SP3: variants seen among roughly 807,000 people sequenced by gnomAD.
SP3 encodes Sp3 transcription factor.
SP3 carries 10 observed loss-of-function variants against 70.3 expected under a neutral mutation model. That is an observed-to-expected ratio of 0.14 (90% CI 0.09 to 0.24). SP3 has a LOEUF of 0.24. Ranked by LOEUF, SP3 falls within the 10% of genes least tolerant of loss-of-function variation. SP3 has a pLI of 1.00. For synonymous variants in SP3, 402 were observed against 333.5 expected, an observed-to-expected ratio of 1.21 and a Z score of -2.24; for missense variants, 825 against 914.6, an observed-to-expected ratio of 0.90 and a Z score of 1.26.
At chr2:173,961,940 T>TTGG (rs374300163) in intron 3 of SP3, among the ~76,000 whole-genome samples, 1 of 119,518 alleles carries the variant, frequency 8.4e-6, no homozygotes, top group African/African-American at 3.4e-5. Flanking sequence ...TTTGGGTTTT[T>TTGG]TTTTTTTTTT....
chr2:173,960,611 G>A (rs1691038253), intron 3 of SP3, among the ~76,000 whole-genome samples: 1 of 152,164 alleles, frequency 6.6e-6, no homozygotes, highest in Non-Finnish European at 1.5e-5. Context: ...CAACATTTAT[G>A]TGCCAAATTA....
rs1394814709 is a variant in SP3, at chr2:173,954,857, A to G, written c.1639+16T>C. 27 of 1,600,800 alleles carry G rather than the reference A, an allele frequency of 1.7e-5. No individual in the cohort carries two copies. Among genetic ancestry groups the G allele is most frequent in the Non-Finnish European group, 2.3e-5 (27 of 1,169,906 alleles). ...TCACTGAACTTATTTATGGCATGAC[A>G]TAACTTAAGACTCACCTGCAGGACT... On this transcript the variant is annotated intron_variant, in intron 4 of 6. Transcript: ENST00000310015.
intron 2 of SP3, 78 bp from the exon 3 acceptor site, chr2:173,963,961 G>C: frequency 9.6e-7 from 1 of 1,043,740 alleles, no homozygotes; most frequent in Middle Eastern, 3.6e-4. Context: ...TTTCGCACAG[G>C]AAGTACGACT....
rs1396735407 is a variant in SP3, at chr2:173,907,584, GACA to G, written c.*2354_*2356del. The G allele has an allele frequency of 6.6e-6, 1 of 151,872 alleles. No individual in the cohort carries two copies. The highest frequency in any genetic ancestry group is 2.4e-5 in the African/African-American group (1 of 41,356). 9.4% of individuals were successfully genotyped at this position (151,872 alleles called of 1,614,324 possible). A position where few individuals can be genotyped will look rare whatever the true frequency, so the allele number is the denominator to read the frequency against. On this transcript the variant is annotated 3_prime_UTR_variant, in exon 7 of 7. Transcript: ENST00000310015. ...TCCACGAATTCATAAAATATGCATG[GACA>G]CCTATCGATTCAAAGTACACCATAA...
At chr2:173,945,799 GATA>G (rs1364742919) in intron 4 of SP3, among the ~76,000 whole-genome samples, 1 of 152,154 alleles carries the variant, frequency 6.6e-6, no homozygotes, top group Admixed American at 6.5e-5. Flanking sequence ...AGTATTTTGG[GATA>G]ATATTATATG....
intron 6 of SP3, among the ~76,000 whole-genome samples, chr2:173,912,241 T>C (rs959433635): frequency 1.3e-5 from 2 of 152,232 alleles, no homozygotes; most frequent in Non-Finnish European, 1.5e-5. Context: ...ACAGACTTCA[T>C]AGGTAATTTT....
intron 4 of SP3, among the ~76,000 whole-genome samples, chr2:173,947,605 G>C (rs527301034): frequency 6.6e-6 from 1 of 152,158 alleles, no homozygotes; most frequent in African/African-American, 2.4e-5. Flanking sequence ...AGATGCTATT[G>C]CTTCTTTTAT....
intron 1 of SP3, 144 bp downstream of exon 1, chr2:173,965,006 GAGGGGAGGGAGGCGC>G (rs1290753815): frequency 8.9e-6 from 8 of 898,076 alleles, no homozygotes; most frequent in African/African-American, 1.8e-5. Flanking sequence ...GGCTGGCGGG[GAGGGGAGGGAGGCGC>G]AGGGGAGTGC....
At chr2:173,921,694 C>A (rs1574402034) in intron 4 of SP3, among the ~76,000 whole-genome samples, 1 of 152,230 alleles carries the variant, frequency 6.6e-6, no homozygotes, top group African/African-American at 2.4e-5. Context: ...CCAGCCTGGG[C>A]AACAAAGAAA....
intron 4 of SP3, among the ~76,000 whole-genome samples, chr2:173,931,795 C>T (rs886065605): frequency 6.6e-6 from 1 of 152,192 alleles, no homozygotes; most frequent in Non-Finnish European, 1.5e-5. Context: ...CTGCTAACTT[C>T]CAACTCTTTC....
intron 4 of SP3, among the ~76,000 whole-genome samples, chr2:173,953,604 G>A (rs941213032): frequency 3.9e-5 from 6 of 151,904 alleles, no homozygotes; most frequent in African/African-American, 1.2e-4. Flanking sequence ...AAAATTAGCC[G>A]GATGTGGTGG....
At chr2:173,918,468 TAC>T in intron 5 of SP3, 123 bp downstream of exon 5, 3 of 986,120 alleles carry the variant, frequency 3.0e-6, no homozygotes, top group Non-Finnish European at 4.5e-6. Flanking sequence ...GCCACACGCA[TAC>T]ACACACACCA....
chr2:173,941,679 G>A (rs1054656987), intron 4 of SP3, among the ~76,000 whole-genome samples: 1 of 152,152 alleles, frequency 6.6e-6, no homozygotes, highest in Admixed American at 6.5e-5. Flanking sequence ...AATATACTTG[G>A]CTTTCATGGA....
In SP3 at chr2:173,902,669, C is replaced by T. The variant is rs1244543065; in HGVS notation, c.*7272G>A. On this transcript the variant is annotated 3_prime_UTR_variant, in exon 7 of 7. Coordinates refer to ENST00000310015, the MANE Select transcript of SP3 (RefSeq NM_003111.5). Reference sequence around the variant, plus strand: ...TTAGAGAAAGATGGTAGTGTGGATACATCTCAAAAACATGAGTGGTAAAAC... The same window carrying T: ...TTAGAGAAAGATGGTAGTGTGGATATATCTCAAAAACATGAGTGGTAAAAC... Among the ~76,000 whole-genome samples, 1 of 152,174 alleles carries T rather than the reference C, an allele frequency of 6.6e-6. No individual in the cohort carries two copies. Among genetic ancestry groups the T allele is most frequent in the East Asian group, 1.9e-4 (1 of 5,206 alleles).
chr2:173,945,027 C>A (rs1438923230), intron 4 of SP3, among the ~76,000 whole-genome samples: 4 of 152,120 alleles, frequency 2.6e-5, no homozygotes, highest in Non-Finnish European at 5.9e-5. Context: ...CTCTAAAATT[C>A]TATGGTTTAA....
At chr2:173,951,882 A>G (rs550466148) in intron 4 of SP3, among the ~76,000 whole-genome samples, 1 of 152,210 alleles carries the variant, frequency 6.6e-6, no homozygotes, top group Non-Finnish European at 1.5e-5. Context: ...GAACTATCAT[A>G]CAGATCTTCC....
chr2:173,903,248 T>G lies in SP3; in HGVS notation c.*6693A>C, dbSNP rs1485419956. 6.6e-6 allele frequency among the ~76,000 whole-genome samples: 1 copy of G among 152,182 alleles called. No individual in the cohort carries two copies. Among genetic ancestry groups the G allele is most frequent in the East Asian group, 1.9e-4 (1 of 5,200 alleles). On this transcript the variant is annotated 3_prime_UTR_variant, in exon 7 of 7. Coordinates refer to ENST00000310015, the MANE Select transcript of SP3 (RefSeq NM_003111.5). ...CAGGCATTATGGAAAGTGGTTTACA[T>G]GCATTAACTTATTTATCTCCATAAT...
chr2:173,964,729 GC>G, intron 1 of SP3, 176 bp from the exon 2 acceptor site: 2 of 350,732 alleles, frequency 5.7e-6, no homozygotes, highest in Middle Eastern at 8.3e-4. Context: ...TCCTGCTGCT[GC>G]CCCCGCCCGC....
intron 5 of SP3, among the ~76,000 whole-genome samples, chr2:173,918,116 T>G (rs1689657293): frequency 6.6e-6 from 1 of 152,038 alleles, no homozygotes; most frequent in South Asian, 2.1e-4. Flanking sequence ...TGTCTTAATG[T>G]TTACCTTTAA....
Sources: gnomAD v4.1 joint callset for allele counts (sites outside exome capture counted in the v4.1 genomes callset) on GRCh38, gnomAD v4.1.1 for gene constraint, MANE v1.5 for transcripts, NCBI Gene and HGNC (gene_info 2026-07-23, HGNC 2026-07-21) for gene names.